MTX2: variants seen among roughly 807,000 people sequenced by gnomAD.
MTX2 encodes the protein metaxin-2.
MTX2 carries 35 observed loss-of-function variants against 42.3 expected under a neutral mutation model. The ratio of observed to expected loss-of-function variants is 0.83; its 90% CI spans 0.63 to 1.10. MTX2 has a LOEUF of 1.10. Among genes scored for constraint, MTX2 ranks in the 50% least tolerant of loss-of-function variants. MTX2 has a pLI of 0.00. For missense variants in MTX2, 307 were observed against 304.1 expected, an observed-to-expected ratio of 1.01 and a Z score of -0.07; for synonymous variants, 119 against 100.9, an observed-to-expected ratio of 1.18 and a Z score of -1.08.
chr2:176,310,784 A>G (rs1684284976), intron 3 of MTX2, among the ~76,000 whole-genome samples: 2 of 152,124 alleles, frequency 1.3e-5, no homozygotes, highest in Admixed American at 1.3e-4. Context: ...TGTTTATTCT[A>G]GTTAGCCATT....
Position 176,307,462 on chromosome 2 carries a change from G to A in MTX2, c.135+9567G>A, listed in dbSNP as rs186797012. ...AAAAAAGTCATTGGTAGCTTGATGG[G>A]GATGGCATTGAATCTATAAATTACT... On this transcript the variant is annotated intron_variant, in intron 3 of 9. Transcript: ENST00000249442. Among the ~76,000 whole-genome samples the A allele has an allele frequency of 4.6e-5, 7 of 152,254 alleles. No homozygotes were observed. The East Asian group carries it at 1.3e-3, about 29-fold the overall frequency.
chr2:176,291,796 A>G (rs1210634728), intron 1 of MTX2, among the ~76,000 whole-genome samples: 2 of 152,126 alleles, frequency 1.3e-5, no homozygotes, highest in Non-Finnish European at 2.9e-5. Context: ...GAGATGTGAC[A>G]ATACCATAGG....
At chr2:176,284,067 C>G (rs1006147461) in intron 1 of MTX2, among the ~76,000 whole-genome samples, 2 of 150,484 alleles carry the variant, frequency 1.3e-5, no homozygotes, top group African/African-American at 4.9e-5. Flanking sequence ...AGTTGGCCTG[C>G]TTTTTATTGG....
At position 176,300,836 on chromosome 2, in the gene MTX2, A is replaced by G. The variant is rs147091433; in HGVS notation, c.135+2941A>G. ...TTAACATATTGAATGTGAGGATTGA[A>G]TATGTTAACATATGTAAAGCACTTA... On this transcript the variant is annotated intron_variant, in intron 3 of 9. Coordinates refer to ENST00000249442, the MANE Select transcript of MTX2 (RefSeq NM_006554.5). 2.9e-3 allele frequency among the ~76,000 whole-genome samples: 442 copies of G among 152,246 alleles called. 1 individual carries two copies. Among genetic ancestry groups the G allele is most frequent in the African/African-American group, 9.4e-3 (390 of 41,574 alleles).
intron 3 of MTX2, among the ~76,000 whole-genome samples, chr2:176,318,423 A>G (rs907504810): frequency 2.6e-5 from 4 of 152,338 alleles, no homozygotes; most frequent in Middle Eastern, 3.4e-3. Context: ...TTACGTGTAC[A>G]TATACATATG....
Position 176,328,292 on chromosome 2 carries a change from G to C in MTX2, c.286-1G>C, listed in dbSNP as rs1684767192. On this transcript the variant is annotated splice_acceptor_variant, in intron 5 of 9. Transcript: ENST00000249442. LOFTEE classifies it high-confidence loss of function. The stretch of plus-strand genomic sequence containing the variant: ...TTTAAATTTTTTTAAATTCCCTTTA[G>C]GGCCATTCTCTTAGTGATGGGCTGG... 1.7e-5 allele frequency: 26 copies of C among 1,547,278 alleles called. No homozygotes were observed. Among genetic ancestry groups the C allele is most frequent in the Non-Finnish European group, 2.3e-5 (26 of 1,151,692 alleles).
intron 7 of MTX2, 66 bp from the exon 8 acceptor site, chr2:176,329,235 C>T: frequency 3.4e-6 from 5 of 1,480,754 alleles, no homozygotes; most frequent in South Asian, 2.7e-5. Flanking sequence ...TTTTAGAATT[C>T]TATTTGTAAA....
chr2:176,329,224 C>T, intron 7 of MTX2, 77 bp from the exon 8 acceptor site: 3 of 1,453,808 alleles, frequency 2.1e-6, no homozygotes, highest in Non-Finnish European at 2.8e-6. Context: ...AAATATATTT[C>T]TTTTAGAATT....
intron 1 of MTX2, among the ~76,000 whole-genome samples, chr2:176,286,483 G>C (rs187054765): frequency 6.6e-6 from 1 of 150,824 alleles, no homozygotes; most frequent in Non-Finnish European, 1.5e-5. Context: ...AGAATGGCAG[G>C]GTATTAAGAC....
chr2:176,326,675 A>G (rs1392241081), intron 4 of MTX2, 150 bp from the exon 5 acceptor site: 1 of 513,626 alleles, frequency 1.9e-6, no homozygotes, highest in Non-Finnish European at 3.4e-6. Context: ...ACAGAATTTA[A>G]TATACACATC....
Position 176,323,376 on chromosome 2 carries a change from G to A in MTX2, c.136-16G>A, listed in dbSNP as rs747187849. On this transcript the variant is annotated splice_polypyrimidine_tract_variant and intron_variant, in intron 3 of 9. Transcript: ENST00000249442. ...ATGCTTTTTACTGGGCTTATTGTAT[G>A]TATCTTGATTTACAGGCCTTTTTGC... The A allele has an allele frequency of 5.0e-6, 8 of 1,604,076 alleles. No individual in the cohort carries two copies. The highest frequency in any genetic ancestry group is 2.2e-5 in the East Asian group (1 of 44,614).
At chr2:176,322,192 C>A (rs1341595310) in intron 3 of MTX2, among the ~76,000 whole-genome samples, 1 of 152,038 alleles carries the variant, frequency 6.6e-6, no homozygotes, top group Non-Finnish European at 1.5e-5. Context: ...AATTGACATA[C>A]TTTTGGGTAA....
At chr2:176,288,885 C>T (rs1005898614) in intron 1 of MTX2, among the ~76,000 whole-genome samples, 6 of 151,754 alleles carry the variant, frequency 4.0e-5, no homozygotes, top group East Asian at 1.9e-4. Flanking sequence ...ATTAGATCAT[C>T]GAGAGATGGA....
chr2:176,275,445 G>A (rs972853558), intron 1 of MTX2, among the ~76,000 whole-genome samples: 1 of 151,950 alleles, frequency 6.6e-6, no homozygotes, highest in African/African-American at 2.4e-5. Context: ...CACCATGTTG[G>A]CCAGGCTTGT....
intron 1 of MTX2, among the ~76,000 whole-genome samples, chr2:176,277,766 C>T (rs1340060484): frequency 3.9e-5 from 6 of 151,930 alleles, no homozygotes; most frequent in Non-Finnish European, 8.8e-5. Context: ...TGAGGATTTT[C>T]CAGTATTGAG....
intron 9 of MTX2, among the ~76,000 whole-genome samples, chr2:176,332,154 T>C (rs1338177546): frequency 6.6e-6 from 1 of 151,324 alleles, no homozygotes; most frequent in African/African-American, 2.4e-5. Context: ...AATTTTCCTT[T>C]GCGTGATACT....
At chr2:176,319,643 T>C (rs1461879804) in intron 3 of MTX2, among the ~76,000 whole-genome samples, 2 of 151,988 alleles carry the variant, frequency 1.3e-5, no homozygotes, top group Non-Finnish European at 2.9e-5. Context: ...TGGTGCGACC[T>C]CAGCTCACTG....
intron 1 of MTX2, among the ~76,000 whole-genome samples, chr2:176,275,935 G>A (rs931548194): frequency 6.6e-6 from 1 of 152,180 alleles, no homozygotes; most frequent in Non-Finnish European, 1.5e-5. Context: ...CTTCCTTCAC[G>A]TTGCTTTTAC....
chr2:176,269,725 T>TG, intron 1 of MTX2, 56 bp downstream of exon 1: 1 of 1,549,542 alleles, frequency 6.5e-7, no homozygotes, highest in Non-Finnish European at 8.7e-7. Context: ...GGGAGCCGCG[T>TG]GGGGTACAGG....
Sources: allele counts gnomAD v4.1 joint callset (sites outside exome capture counted in the v4.1 genomes callset), GRCh38; gene constraint gnomAD v4.1.1; transcripts MANE v1.5; gene names NCBI Gene and HGNC (gene_info 2026-07-23, HGNC 2026-07-21).